The following RGL1 variants were observed in gnomAD, a reference collection of about 807,000 sequenced individuals.
The protein encoded by RGL1 is ral guanine nucleotide dissociation stimulator like 1, also known as ral guanine nucleotide dissociation stimulator-like 1.
A neutral mutation model predicts 95.2 loss-of-function variants in RGL1; 24 were observed. The ratio of observed to expected loss-of-function variants is 0.25; its 90% CI spans 0.18 to 0.35. The LOEUF (loss-of-function observed/expected upper bound fraction) is 0.35. Ranked by LOEUF, RGL1 falls within the 10% of genes least tolerant of loss-of-function variation. RGL1 has a pLI of 1.00. For synonymous variants in RGL1, 329 were observed against 344.9 expected, an observed-to-expected ratio of 0.95 and a Z score of 0.51; for missense variants, 715 against 936.3, an observed-to-expected ratio of 0.76 and a Z score of 3.08.
intron 12 of RGL1, among the ~76,000 whole-genome samples, chr1:183,904,112 C>T (rs1376997360): frequency 6.6e-6 from 1 of 152,174 alleles, no homozygotes; most frequent in African/African-American, 2.4e-5. Flanking sequence ...TATTAAACTT[C>T]TGGAAAGTTT....
chr1:183,652,856 G>A (rs1650865816), intron 1 of RGL1, among the ~76,000 whole-genome samples: 1 of 152,196 alleles, frequency 6.6e-6, no homozygotes, highest in Non-Finnish European at 1.5e-5. Context: ...GCTGTGAGTG[G>A]CCCCTGGACT....
chr1:183,656,414 C>T (rs188142456), intron 1 of RGL1, among the ~76,000 whole-genome samples: 2 of 152,188 alleles, frequency 1.3e-5, no homozygotes, highest in African/African-American at 2.4e-5. Flanking sequence ...AAGGTTTCTT[C>T]GTACTCAGCG....
intron 1 of RGL1, among the ~76,000 whole-genome samples, chr1:183,727,103 A>G (rs1037856697): frequency 3.3e-5 from 5 of 152,188 alleles, no homozygotes; most frequent in Middle Eastern, 3.2e-3. Context: ...TGGACCAACA[A>G]TCTTCAACAA....
Position 183,847,687 on chromosome 1 carries a change from A to G in RGL1, c.260A>G (p.Asp87Gly). ...LVENLLTAFG[D>G]NDFTYISIFL... ...GAGAACCTGCTGACAGCTTTTGGGG[A>G]CAATGACTTTACCTATATCAGCATC... Residue 87 changes from aspartate to glycine, a missense_variant, in exon 3 of 18, where the codon GAC (aspartate) becomes GGC (glycine). Physicochemically the swap from Asp to Gly is moderately conservative, Grantham distance 94 (BLOSUM62 -1). Transcript: ENST00000360851. The G allele has an allele frequency of 6.2e-7, 1 of 1,614,128 alleles. No homozygotes were observed.
chr1:183,668,061 T>C (rs1652170758), intron 1 of RGL1, among the ~76,000 whole-genome samples: 1 of 152,072 alleles, frequency 6.6e-6, no homozygotes, highest in South Asian at 2.1e-4. Context: ...GCTAATATCC[T>C]TTTAAACAGT....
intron 3 of RGL1, among the ~76,000 whole-genome samples, chr1:183,854,036 T>C (rs948360245): frequency 6.6e-6 from 1 of 152,228 alleles, no homozygotes; most frequent in Non-Finnish European, 1.5e-5. Context: ...GCTGTGTGTA[T>C]AATGGTGGAC....
chr1:183,861,939 A>G (rs981275057), intron 3 of RGL1, among the ~76,000 whole-genome samples: 2 of 152,218 alleles, frequency 1.3e-5, no homozygotes, highest in Non-Finnish European at 2.9e-5. Context: ...TTCTTAATCT[A>G]GTAGTACTGA....
Position 183,794,186 on chromosome 1 carries a change from C to A in RGL1, c.133-12189C>A, listed in dbSNP as rs574681816. The stretch of plus-strand genomic sequence containing the variant: ...AGTATGTTAAGTGAAATGAGCCAGG[C>A]ACAGAAAGACAAATATTGCATGTTC... On this transcript the variant is annotated intron_variant, in intron 2 of 18. Transcript: ENST00000304685. Among the ~76,000 whole-genome samples the A allele has an allele frequency of 5.9e-5, 9 of 151,988 alleles. 1 individual carries two copies. In the South Asian group the frequency reaches 1.9e-3, roughly 32 times the overall value.
At chr1:183,700,411 G>A (rs967542869) in intron 1 of RGL1, among the ~76,000 whole-genome samples, 1 of 149,160 alleles carries the variant, frequency 6.7e-6, no homozygotes, top group African/African-American at 2.4e-5. Flanking sequence ...AAAATGGACA[G>A]AAAGCAGGTT....
intron 2 of RGL1, among the ~76,000 whole-genome samples, chr1:183,830,336 A>G (rs909678221): frequency 2.0e-5 from 3 of 152,236 alleles, no homozygotes; most frequent in Admixed American, 2.0e-4. Flanking sequence ...AAGATTTCAG[A>G]TGAAATCCTG....
At chr1:183,849,483 GTTTTTTTTTT>G (rs1418103960) in intron 3 of RGL1, among the ~76,000 whole-genome samples, 2 of 120,852 alleles carry the variant, frequency 1.7e-5, no homozygotes, top group African/African-American at 6.5e-5. Flanking sequence ...CCAGTTTTTA[GTTTTTTTTTT>G]TTTTTTTTTT....
chr1:183,923,874 G>T (rs1047858262), intron 17 of RGL1, among the ~76,000 whole-genome samples: 2 of 152,140 alleles, frequency 1.3e-5, no homozygotes, highest in East Asian at 1.9e-4. Context: ...CTTGTTGTTG[G>T]ATATCAATGT....
At chr1:183,888,083 C>T (rs139889312) in intron 7 of RGL1, among the ~76,000 whole-genome samples, 2 of 152,284 alleles carry the variant, frequency 1.3e-5, no homozygotes, top group Non-Finnish European at 2.9e-5. Context: ...TGCTGCCCAG[C>T]TCATTTTGGG....
intron 4 of RGL1, among the ~76,000 whole-genome samples, chr1:183,866,737 TG>T (rs1345865549): frequency 6.6e-6 from 1 of 152,214 alleles, no homozygotes; most frequent in Non-Finnish European, 1.5e-5. Flanking sequence ...AAGAGTGCTG[TG>T]GCCTGACACA....
rs140510065 is a variant in RGL1, at chr1:183,916,584, G to A, written c.1887G>A (p.Ser629=). Residue 629 remains serine, a synonymous_variant, in exon 16 of 18, where the codon TCG becomes TCA. Coordinates refer to ENST00000360851, the MANE Select transcript of RGL1 (RefSeq NM_001297671.3). ...CCAAAATCCACAAGCGCTCTGTCTC[G>A]GTGACGTCCATTACCTCGACTGTGC... ...NNPKIHKRSV[S]VTSITSTVLP... is the part of the protein sequence containing the mutation. 19 of 1,613,536 alleles carry A rather than the reference G, an allele frequency of 1.2e-5. No homozygotes were observed. Among genetic ancestry groups the A allele is most frequent in the South Asian group, 2.2e-5 (2 of 91,038 alleles).
intron 2 of RGL1, among the ~76,000 whole-genome samples, chr1:183,771,348 G>T (rs1013554590): frequency 1.3e-5 from 2 of 151,680 alleles, no homozygotes; most frequent in Non-Finnish European, 2.9e-5. Flanking sequence ...TCAGGGCCTG[G>T]AAATTATTCA....
intron 4 of RGL1, among the ~76,000 whole-genome samples, chr1:183,867,058 G>A (rs1665884366): frequency 6.6e-6 from 1 of 152,196 alleles, no homozygotes; most frequent in Admixed American, 6.5e-5. Flanking sequence ...GGAAGATCGA[G>A]GGAGCAGGTT....
intron 1 of RGL1, among the ~76,000 whole-genome samples, chr1:183,695,048 C>T (rs1012188868): frequency 2.6e-5 from 4 of 152,180 alleles, no homozygotes; most frequent in Admixed American, 1.3e-4. Flanking sequence ...ATCACTAAAG[C>T]TCTTGGATGA....
rs142969307 is a variant in RGL1 at position 183,880,730 on chromosome 1, G to T, written c.540G>T (p.Pro180=). ...KLLDYLTRMM[P]GSDPERRAQN... is the part of the protein sequence containing the mutation. ...TGGATTATCTCACACGGATGATGCC[G>T]GGCTCTGACCCAGAAAGAAGAGCAC... is the stretch of plus-strand genomic sequence containing the variant. The change falls in exon 5 of 18, where the codon CCG becomes CCT. Residue 180 remains proline (P), a synonymous_variant. Transcript: ENST00000360851. The T allele has an allele frequency of 7.7e-5, 125 of 1,613,866 alleles. 1 individual carries two copies. The East Asian group carries it at 2.7e-3, about 35-fold the overall frequency.
Sources: gnomAD v4.1 joint callset for allele counts (sites outside exome capture counted in the v4.1 genomes callset) on GRCh38, gnomAD v4.1.1 for gene constraint, MANE v1.5 for transcripts, NCBI Gene and HGNC (gene_info 2026-07-23, HGNC 2026-07-21) for gene names.